EYS: variants seen among roughly 807,000 people sequenced by gnomAD.
EYS encodes the protein EGF-like photoreceptor maintenance factor.
A neutral mutation model predicts 282.1 loss-of-function variants in EYS; 250 were observed. The observed-to-expected ratio is 0.89, with a 90% CI of 0.80 to 0.98. The LOEUF is 0.98. EYS is among the 50% of genes least tolerant of loss of function. The pLI, the probability that EYS is intolerant of heterozygous loss-of-function variation, is 0.00. For synonymous variants in EYS, 1,355 were observed against 1,282.9 expected (o/e 1.06, Z -1.20); for missense variants, 4,016 against 3,709.0 (o/e 1.08, Z -2.15).
intron 2 of EYS, among the ~76,000 whole-genome samples, chr6:65,627,437 A>G (rs1215584899): frequency 6.6e-6 from 1 of 152,058 alleles, no homozygotes. Context: ...ACACTTGAGG[A>G]GCCCTTCGGC....
intron 2 of EYS, among the ~76,000 whole-genome samples, chr6:65,588,542 C>T (rs1374831607): frequency 6.7e-6 from 1 of 149,812 alleles, no homozygotes; most frequent in Non-Finnish European, 1.5e-5. Context: ...TCTAAACCTT[C>T]CCCCTGTCCA....
At chr6:64,137,899 G>T (rs1313481367) in intron 31 of EYS, among the ~76,000 whole-genome samples, 1 of 151,956 alleles carries the variant, frequency 6.6e-6, no homozygotes, top group East Asian at 1.9e-4. Context: ...TCCTTACTTT[G>T]TAAAAAACAA....
At chr6:65,282,147 T>C (rs1181017982) in intron 12 of EYS, among the ~76,000 whole-genome samples, 1 of 151,812 alleles carries the variant, frequency 6.6e-6, no homozygotes, top group Non-Finnish European at 1.5e-5. Flanking sequence ...AATATATATA[T>C]AGTTCTATGG....
intron 24 of EYS, among the ~76,000 whole-genome samples, chr6:64,605,710 T>A (rs1251424925): frequency 6.6e-6 from 1 of 151,876 alleles, no homozygotes; most frequent in Non-Finnish European, 1.5e-5. Context: ...AAAAGAGCCA[T>A]GAAACATTTC....
At chr6:65,603,253 G>A (rs9453339) in intron 2 of EYS, among the ~76,000 whole-genome samples, 30,596 of 151,794 alleles carry the variant, frequency 0.2, 3,754 homozygotes, top group African/African-American at 0.35. Flanking sequence ...GAATCCTAGT[G>A]TAATTGGCAA....
chr6:65,616,652 G>A (rs932726526), intron 2 of EYS, among the ~76,000 whole-genome samples: 6 of 151,920 alleles, frequency 3.9e-5, no homozygotes, highest in African/African-American at 1.5e-4. Context: ...TGGGTGTGGT[G>A]GCACGTGCCT....
chr6:63,863,681 T>TTTCTTTTCTTTTC, intron 36 of EYS, among the ~76,000 whole-genome samples: 2 of 141,024 alleles, frequency 1.4e-5, no homozygotes, highest in Non-Finnish European at 3.1e-5. Flanking sequence ...TTTTCTTTTT[T>TTTCTTTTCTTTTC]TTTTTTTTTT....
At chr6:65,558,290 C>T (rs9360136) in intron 2 of EYS, among the ~76,000 whole-genome samples, 80,366 of 151,704 alleles carry the variant, frequency 0.53, 21,261 homozygotes, top group East Asian at 0.69. Flanking sequence ...GTCAAGGCGG[C>T]AGTAGGGGTG....
At chr6:65,522,318 T>C (rs1767402948) in intron 2 of EYS, among the ~76,000 whole-genome samples, 1 of 152,282 alleles carries the variant, frequency 6.6e-6, no homozygotes, top group South Asian at 2.1e-4. Flanking sequence ...GAGAAATTAG[T>C]GGGCCAGCAC....
chr6:64,897,951 C>T lies in EYS; in HGVS notation c.2846+4162G>A, dbSNP rs544325591. 2.0e-5 allele frequency among the ~76,000 whole-genome samples: 3 copies of T among 152,248 alleles called. No homozygotes were observed. The East Asian group carries it at 5.8e-4, about 29-fold the overall frequency. On this transcript the variant is annotated intron_variant, in intron 18 of 42. Transcript: ENST00000503581. ...AACAAAGTCTCCAAGAAATATGGGA[C>T]TATGTGAAAAGACTAAACCTACATT...
At chr6:64,546,252 A>T (rs537987348) in intron 26 of EYS, among the ~76,000 whole-genome samples, 1 of 152,324 alleles carries the variant, frequency 6.6e-6, no homozygotes, top group African/African-American at 2.4e-5. Flanking sequence ...GACAAACCTG[A>T]CAAAAACAAG....
chr6:65,643,893 G>T (rs905467531), intron 1 of EYS, among the ~76,000 whole-genome samples: 3 of 152,118 alleles, frequency 2.0e-5, no homozygotes, highest in African/African-American at 4.8e-5. Context: ...CATCAAGGGA[G>T]CACGCGGTGG....
Position 63,778,963 on chromosome 6 carries a change from T to C in EYS, c.7724-783A>G, listed in dbSNP as rs139666987. Among the ~76,000 whole-genome samples the C allele has an allele frequency of 5.6e-3, 850 of 152,130 alleles. 6 individuals are homozygous for C. Among genetic ancestry groups the C allele is most frequent in the African/African-American group, 0.02 (819 of 41,542 alleles). The stretch of plus-strand genomic sequence containing the variant: ...TAATTTATATTATAATTTGTATTTA[T>C]AGTATATAAAGAGAGTCTCCTTATA... On this transcript the variant is annotated intron_variant, in intron 39 of 42. Coordinates refer to ENST00000503581, the MANE Select transcript of EYS (RefSeq NM_001142800.2).
At chr6:65,160,489 A>G (rs766856910) in intron 12 of EYS, among the ~76,000 whole-genome samples, 3 of 150,830 alleles carry the variant, frequency 2.0e-5, no homozygotes, top group Non-Finnish European at 3.0e-5. Context: ...GATAACCTTC[A>G]AATTTTCAAA....
At chr6:65,449,317 A>T (rs904413860) in intron 5 of EYS, among the ~76,000 whole-genome samples, 26 of 152,104 alleles carry the variant, frequency 1.7e-4, no homozygotes, top group Admixed American at 1.6e-3. Context: ...CCTTATTGGG[A>T]TGCATATAAG....
intron 1 of EYS, among the ~76,000 whole-genome samples, chr6:65,706,548 T>C (rs550768588): frequency 6.6e-6 from 1 of 152,144 alleles, no homozygotes; most frequent in African/African-American, 2.4e-5. Flanking sequence ...TAAAAAATCA[T>C]CATATCTGAT....
At chr6:64,368,867 T>G (rs1302973103) in intron 29 of EYS, among the ~76,000 whole-genome samples, 1 of 152,102 alleles carries the variant, frequency 6.6e-6, no homozygotes, top group Non-Finnish European at 1.5e-5. Flanking sequence ...TGGTTTACTT[T>G]GTTGATATTT....
At chr6:64,063,776 G>A (rs926821321) in intron 33 of EYS, among the ~76,000 whole-genome samples, 2 of 152,162 alleles carry the variant, frequency 1.3e-5, no homozygotes. Flanking sequence ...TCCCAAGGCT[G>A]GAGTGCAGTG....
intron 2 of EYS, among the ~76,000 whole-genome samples, chr6:65,564,256 G>C (rs919291930): frequency 1.3e-5 from 2 of 152,018 alleles, no homozygotes; most frequent in Admixed American, 6.6e-5. Context: ...TTTCTTCAAA[G>C]AGTTAGAAAA....
Sources: gnomAD v4.1 joint callset for allele counts (sites outside exome capture counted in the v4.1 genomes callset) on GRCh38, gnomAD v4.1.1 for gene constraint, MANE v1.5 for transcripts, NCBI Gene and HGNC (gene_info 2026-07-23, HGNC 2026-07-21) for gene names.